LIMK2: variants seen among roughly 807,000 people sequenced by gnomAD.
LIMK2 encodes LIM domain kinase 2.
A neutral mutation model predicts 75.7 loss-of-function variants in LIMK2; 35 were observed. The ratio of observed to expected loss-of-function variants is 0.46; its 90% CI spans 0.35 to 0.61. The LOEUF is 0.61. Among genes scored for constraint, LIMK2 ranks in the 20% least tolerant of loss-of-function variants. The probability of loss-of-function intolerance (pLI) is 0.00; values close to 1 mark genes in which losing one functional copy is unlikely to be tolerated. For synonymous variants in LIMK2, 301 were observed against 319.2 expected, an observed-to-expected ratio of 0.94 and a Z score of 0.61; for missense variants, 623 against 831.0, an observed-to-expected ratio of 0.75 and a Z score of 3.08.
intron 2 of LIMK2, among the ~76,000 whole-genome samples, chr22:31,237,338 C>T (rs1195572705): frequency 2.0e-5 from 3 of 150,736 alleles, no homozygotes; most frequent in East Asian, 3.9e-4. Context: ...TCGAGGCGGG[C>T]GGATCACCTG....
At chr22:31,248,394 G>A (rs868253324) in intron 2 of LIMK2, 18 of 1,358,584 alleles carry the variant, frequency 1.3e-5, no homozygotes, top group Middle Eastern at 2.9e-4. Flanking sequence ...GCTAGTCACC[G>A]GCCCCTGCTC....
rs746599250 is a variant in LIMK2 at position 31,246,183 on chromosome 22, G to GCGCACACACACACACACACACA, written c.117-12107_117-12106insGCACACACACACACACACACAC. The stretch of plus-strand genomic sequence containing the variant: ...GCGAGACTCCGACACACGCACGCAC[G>GCGCACACACACACACACACACA]CACACACACACACACACACACACAC... On this transcript the variant is annotated intron_variant, in intron 2 of 15. Transcript: ENST00000331728. 9.8e-4 allele frequency among the ~76,000 whole-genome samples: 132 copies of GCGCACACACACACACACACACA among 135,086 alleles called. 1 individual carries two copies. Among genetic ancestry groups the GCGCACACACACACACACACACA allele is most frequent in the South Asian group, 1.3e-3 (5 of 3,974 alleles). The allele number at this position is 135,086 out of a possible 152,430, so 88.6% of individuals were successfully genotyped here.
chr22:31,250,891 C>G lies in LIMK2; in HGVS notation c.117-7400C>G, dbSNP rs188417431. On this transcript the variant is annotated intron_variant, in intron 2 of 15. Coordinates refer to ENST00000331728, the MANE Select transcript of LIMK2 (RefSeq NM_005569.4). ...AAATTAAGTTCTTGACCCTAGGCCT[C>G]TGGGGGAGTACAAAGTCTATGGGAG... Among the ~76,000 whole-genome samples the G allele has an allele frequency of 1.1e-4, 16 of 152,316 alleles. No individual in the cohort carries two copies. The East Asian group carries it at 2.7e-3, about 26-fold the overall frequency.
intron 2 of LIMK2, among the ~76,000 whole-genome samples, chr22:31,235,765 A>T (rs1017829889): frequency 2.0e-5 from 3 of 152,210 alleles, no homozygotes; most frequent in Non-Finnish European, 4.4e-5. Flanking sequence ...CTTATAGGTG[A>T]TTTATGATGG....
chr22:31,226,304 G>T (rs185759199), intron 2 of LIMK2, among the ~76,000 whole-genome samples: 464 of 151,902 alleles, frequency 3.1e-3, no homozygotes, highest in African/African-American at 0.01. Context: ...CTGGGTTCAA[G>T]TGATTTTTCT....
chr22:31,241,602 A>G (rs193042541), intron 2 of LIMK2, among the ~76,000 whole-genome samples: 1 of 152,274 alleles, frequency 6.6e-6, no homozygotes, highest in Admixed American at 6.5e-5. Flanking sequence ...CATCACACCC[A>G]GGAAGGACCC....
rs1300645787 is a variant in LIMK2 at position 31,259,908 on chromosome 22, G to A, written c.382G>A (p.Val128Met). The change falls in exon 5 of 16, where the codon GTG (valine) becomes ATG (methionine). Residue 128 changes from valine (V) to methionine (M), a missense_variant. Val to Met is a conservative substitution (Grantham distance 21). Coordinates refer to ENST00000331728, the MANE Select transcript of LIMK2 (RefSeq NM_005569.4). ...CCCCAGTGGGAAGTGCCACAATGAGGTGGTGCTGGCACCCATGTTTGAGAG... is the reference window on the plus strand; with the variant it reads ...CCCCAGTGGGAAGTGCCACAATGAGATGGTGCTGGCACCCATGTTTGAGAG... ...TLYCGKCHNEVVLAPMFERLS... is the reference protein window; with the variant it reads ...TLYCGKCHNEMVLAPMFERLS... 3.1e-6 allele frequency: 5 copies of A among 1,608,266 alleles called. No homozygotes were observed. The highest frequency in any genetic ancestry group is 1.7e-5 in the Admixed American group (1 of 58,464).
chr22:31,265,444 A>T (rs905783822), intron 7 of LIMK2, among the ~76,000 whole-genome samples: 10 of 152,030 alleles, frequency 6.6e-5, no homozygotes, highest in South Asian at 2.1e-4. Context: ...AGGCGGAGGC[A>T]TGAGACTCAG....
At chr22:31,224,933 G>A (rs1303954845) in intron 1 of LIMK2, among the ~76,000 whole-genome samples, 1 of 152,228 alleles carries the variant, frequency 6.6e-6, no homozygotes. Context: ...GAGGTGAGCG[G>A]CGGGCCAGTG....
intron 3 of LIMK2, 121 bp downstream of exon 3, chr22:31,258,547 T>A: frequency 1.0e-6 from 1 of 966,828 alleles, no homozygotes; most frequent in Non-Finnish European, 1.5e-6. Context: ...TCCCTTTATT[T>A]ATTCATTCAT....
chr22:31,255,947 T>TAAC (rs1179884146), intron 2 of LIMK2, among the ~76,000 whole-genome samples: 1 of 141,212 alleles, frequency 7.1e-6, no homozygotes, highest in Non-Finnish European at 1.5e-5. Flanking sequence ...TAATAGAAGT[T>TAAC]AACACATACT....
At chr22:31,248,692 CCTGT>C (rs1302619142) in intron 2 of LIMK2, 3 of 1,613,986 alleles carry the variant, frequency 1.9e-6, no homozygotes, top group African/African-American at 2.7e-5. Flanking sequence ...TGCAGCTGAG[CCTGT>C]CTATCTGGTG....
chr22:31,269,065 T>TGTTTGTTTG (rs145490583), intron 11 of LIMK2, among the ~76,000 whole-genome samples: 1,625 of 147,108 alleles, frequency 0.011, 8 homozygotes, highest in Non-Finnish European at 0.014. Context: ...TTTTTTTGTT[T>TGTTTGTTTG]TTTTTTCCTG....
rs915842530 is a variant in LIMK2, at chr22:31,243,872, G to T, written c.117-14419G>T. ...GGGTGGCTTGGGCCCTTTGAAGTTGGCTCTGAGGAACCACACACTTGGGTC... is the reference window on the plus strand; with the variant it reads ...GGGTGGCTTGGGCCCTTTGAAGTTGTCTCTGAGGAACCACACACTTGGGTC... On this transcript the variant is annotated intron_variant, in intron 2 of 15. Coordinates refer to ENST00000331728, the MANE Select transcript of LIMK2 (RefSeq NM_005569.4). 2.0e-5 allele frequency among the ~76,000 whole-genome samples: 3 copies of T among 152,180 alleles called. No individual in the cohort carries two copies. The South Asian group carries it at 6.2e-4, about 32-fold the overall frequency.
At chr22:31,248,767 T>G in intron 2 of LIMK2, 1 of 1,614,192 alleles carries the variant, frequency 6.2e-7, no homozygotes, top group South Asian at 1.1e-5. Context: ...GAGACCTGTT[T>G]CGGTGAGTTG....
chr22:31,212,622 G>A (rs1057295674), intron 1 of LIMK2, among the ~76,000 whole-genome samples, 198 bp downstream of exon 1: 2 of 152,074 alleles, frequency 1.3e-5, no homozygotes, highest in Non-Finnish European at 2.9e-5. Flanking sequence ...GGAATGGGGA[G>A]GCAGGGCATC....
rs1398631355 is a variant in LIMK2, at chr22:31,271,179, C to T, written c.1361C>T (p.Ser454Leu). ...TGCATCATCCACCGGGATCTGAACT[C>T]GCACAACTGCCTCATCAAGTTGGTA... ...SMCIIHRDLN[S>L]HNCLIKLDKT... The change falls in exon 12 of 16, where the codon TCG (serine) becomes TTG (leucine). Residue 454 changes from serine to leucine, a missense_variant. Physicochemically the swap from Ser to Leu is moderately radical, Grantham distance 145. Transcript: ENST00000331728. 4 of 1,614,090 alleles carry T rather than the reference C, an allele frequency of 2.5e-6. No individual in the cohort carries two copies. Among genetic ancestry groups the T allele is most frequent in the Non-Finnish European group, 2.5e-6 (3 of 1,179,980 alleles).
In LIMK2 at chr22:31,224,898, T is replaced by C. The variant is rs377222986; in HGVS notation, c.17-822T>C. On this transcript the variant is annotated intron_variant, in intron 1 of 15. Coordinates refer to ENST00000331728, the MANE Select transcript of LIMK2 (RefSeq NM_005569.4). The stretch of plus-strand genomic sequence containing the variant: ...CGCCAACTGGTACGGGTCTGTAGCC[T>C]GTTAGGAACCAGGCTGCACAGCAGG... 3.9e-5 allele frequency among the ~76,000 whole-genome samples: 6 copies of C among 152,204 alleles called. No individual in the cohort carries two copies. The East Asian group carries it at 1.2e-3, about 29-fold the overall frequency.
chr22:31,230,463 A>C (rs549140051), intron 2 of LIMK2, among the ~76,000 whole-genome samples: 13 of 152,292 alleles, frequency 8.5e-5, no homozygotes, highest in African/African-American at 3.1e-4. Flanking sequence ...GGAGGAGGGA[A>C]GAAAAGCTAC....
Sources: allele counts gnomAD v4.1 joint callset (sites outside exome capture counted in the v4.1 genomes callset), GRCh38; gene constraint gnomAD v4.1.1; transcripts MANE v1.5; gene names NCBI Gene and HGNC (gene_info 2026-07-23, HGNC 2026-07-21).